The following ZNF544 variants were observed in gnomAD, a reference collection of about 807,000 sequenced individuals.
The protein encoded by ZNF544 is zinc finger protein AF020591.
Under a neutral mutation model 13.5 loss-of-function variants are expected in ZNF544, and 10 were observed. That is an observed-to-expected ratio of 0.74 (90% CI 0.46 to 1.25). The LOEUF is 1.25. Among genes scored for constraint, ZNF544 ranks in the 50% most tolerant of loss-of-function variants. The probability of loss-of-function intolerance (pLI) is 0.00; values close to 1 mark genes in which losing one functional copy is unlikely to be tolerated. For missense variants in ZNF544, 896 were observed against 845.6 expected, an observed-to-expected ratio of 1.06 and a Z score of -0.74; for synonymous variants, 323 against 300.5, an observed-to-expected ratio of 1.07 and a Z score of -0.77.
rs1646805998 is a variant in ZNF544, at chr19:58,260,951, G to C, written c.345G>C (p.Glu115Asp). 1 of 1,614,088 alleles carries C rather than the reference G, an allele frequency of 6.2e-7. No homozygotes were observed. Among genetic ancestry groups the C allele is most frequent in the Non-Finnish European group, 8.5e-7 (1 of 1,180,012 alleles). ...TGGAAGTGTACAGGAGTGGACCGGA[G>C]GAGCCACCCTCTTTGGTATTAGGAA... ...HHVEVYRSGPEEPPSLVLGKV... is the reference protein window; with the variant it reads ...HHVEVYRSGPDEPPSLVLGKV... The change falls in exon 7 of 7, where the codon GAG becomes GAC. Residue 115 changes from glutamate (E) to aspartate (D), a missense_variant. Transcript: ENST00000687789.
At chr19:58,248,961 A>C (rs2045858071) in intron 6 of ZNF544, among the ~76,000 whole-genome samples, 1 of 152,168 alleles carries the variant, frequency 6.6e-6, no homozygotes, top group Admixed American at 6.5e-5. Context: ...GGGGAAGGTG[A>C]CCAACAGAGG....
intron 3 of ZNF544, among the ~76,000 whole-genome samples, chr19:58,234,343 C>G (rs887346048): frequency 2.0e-5 from 3 of 152,190 alleles, no homozygotes; most frequent in African/African-American, 7.2e-5. Context: ...TCTTGTGGGC[C>G]TAGAACTGTT....
chr19:58,246,294 G>C lies in ZNF544; in HGVS notation c.34-7G>C. 6.2e-7 allele frequency: 1 copy of C among 1,614,022 alleles called. No homozygotes were observed. Among genetic ancestry groups the C allele is most frequent in the Admixed American group, 1.7e-5 (1 of 60,010 alleles). ...GTCTCTGAGCAGTAACAAGTGCCCT[G>C]TTTCAGGCATCTGTGTGCTTCGAGG... is the stretch of plus-strand genomic sequence containing the variant. On this transcript the variant is annotated splice_polypyrimidine_tract_variant and splice_region_variant and intron_variant, in intron 4 of 6. Coordinates refer to ENST00000687789, the MANE Select transcript of ZNF544 (RefSeq NM_014480.4).
At chr19:58,260,785 C>A (rs532658132) in intron 6 of ZNF544, 66 bp from the exon 7 acceptor site, 3 of 1,428,096 alleles carry the variant, frequency 2.1e-6, no homozygotes, top group Non-Finnish European at 2.8e-6. Context: ...TTGTCTCCTT[C>A]ATCTCCCCCT....
intron 3 of ZNF544, 52 bp downstream of exon 3, chr19:58,230,514 G>T (rs1044363467): frequency 6.6e-6 from 1 of 152,370 alleles, no homozygotes; most frequent in African/African-American, 2.4e-5. Flanking sequence ...GTTCTCAGCC[G>T]TTGCCCTTGG....
At position 58,261,543 on chromosome 19, in the gene ZNF544, C is replaced by T. The variant is rs770014864; in HGVS notation, c.937C>T (p.Leu313Phe). The change falls in exon 7 of 7, where the codon CTT becomes TTT. Residue 313 changes from leucine to phenylalanine, a missense_variant. Transcript: ENST00000687789. Reference sequence around the variant, plus strand: ...GGAAACCTGTTCTGAGAGTCTGTGCCTTGTACAAACAGAAAGAAGTGGCCC... The same window carrying T: ...GGAAACCTGTTCTGAGAGTCTGTGCTTTGTACAAACAGAAAGAAGTGGCCC... ...CRETCSESLC[L>F]VQTERSGPGE... 5 of 1,614,186 alleles carry T rather than the reference C, an allele frequency of 3.1e-6. No individual in the cohort carries two copies. The South Asian group carries it at 5.5e-5, about 18-fold the overall frequency.
intron 6 of ZNF544, chr19:58,276,475 AT>A: frequency 8.6e-7 from 1 of 1,157,436 alleles, no homozygotes; most frequent in Non-Finnish European, 1.1e-6. Context: ...TTTTTATTTT[AT>A]TTTATTTTTG....
At position 58,275,814 on chromosome 19, in the gene ZNF544, A is replaced by G. The variant is rs1022806626; in HGVS notation, c.245-509A>G. 2.5e-5 allele frequency among the ~76,000 whole-genome samples: 3 copies of G among 122,104 alleles called. No individual in the cohort carries two copies. In the Admixed American group the frequency reaches 2.8e-4, roughly 11 times the overall value. 80.1% of individuals were successfully genotyped at this position (122,104 alleles called of 152,430 possible). ...AAAAAAAAAAAAAAGGAAAGAGGAA[A>G]TAATAGGACATCAAAATCACAGATT... On this transcript the variant is annotated intron_variant, in intron 5 of 6. Coordinates refer to the ZNF544 transcript ENST00000595981.
chr19:58,248,000 G>GC (rs1828165361), intron 6 of ZNF544, among the ~76,000 whole-genome samples: 3 of 150,424 alleles, frequency 2.0e-5, no homozygotes, highest in African/African-American at 7.3e-5. Context: ...TGCAACCTCC[G>GC]CCCCCCAGGT....
intron 3 of ZNF544, among the ~76,000 whole-genome samples, chr19:58,233,702 G>A (rs1448400645): frequency 6.6e-6 from 1 of 152,138 alleles, no homozygotes; most frequent in Admixed American, 6.5e-5. Context: ...TTGGTCCTGA[G>A]TCCTGTTCCC....
downstream of ZNF544, among the ~76,000 whole-genome samples, chr19:58,266,468 T>C (rs1443835662): frequency 8.3e-6 from 1 of 120,638 alleles, no homozygotes; most frequent in Non-Finnish European, 1.6e-5. Context: ...TGAGCCAAAA[T>C]CATGCCACTG....
intron 6 of ZNF544, chr19:58,247,680 G>C (rs1339291302): frequency 6.6e-6 from 1 of 152,008 alleles, no homozygotes; most frequent in African/African-American, 2.4e-5. Context: ...ACAGGTATGA[G>C]CCACTGCACC....
At chr19:58,240,238 G>A (rs906469466) in intron 3 of ZNF544, among the ~76,000 whole-genome samples, 1 of 151,970 alleles carries the variant, frequency 6.6e-6, no homozygotes, top group Non-Finnish European at 1.5e-5. Context: ...AGCCAGTCAA[G>A]GATCAGACCT....
At chr19:58,233,260 C>G (rs2041733112) in intron 3 of ZNF544, among the ~76,000 whole-genome samples, 1 of 152,082 alleles carries the variant, frequency 6.6e-6, no homozygotes, top group South Asian at 2.1e-4. Context: ...AGCTACAATT[C>G]AAGAGGAGAT....
At chr19:58,228,976 G>A (rs1196761276) in intron 1 of ZNF544, 30 bp downstream of exon 1, 1 of 152,402 alleles carries the variant, frequency 6.6e-6, no homozygotes, top group East Asian at 1.9e-4. Flanking sequence ...GGTTGGCTCG[G>A]AGGTTTCACT....
chr19:58,234,957 C>T (rs374442804), intron 3 of ZNF544, among the ~76,000 whole-genome samples: 2 of 152,300 alleles, frequency 1.3e-5, no homozygotes, highest in Admixed American at 6.5e-5. Context: ...GATTAGTGAA[C>T]ATGTGTGTAT....
At chr19:58,272,828 G>A (rs944296037) in intron 5 of ZNF544, among the ~76,000 whole-genome samples, 32 of 151,210 alleles carry the variant, frequency 2.1e-4, no homozygotes, top group Non-Finnish European at 4.4e-5. Flanking sequence ...AGCTGAGATC[G>A]TGCCACTGCA....
intron 4 of ZNF544, 135 bp downstream of exon 4, chr19:58,244,191 C>G (rs1350982957): frequency 1.5e-6 from 1 of 679,706 alleles, no homozygotes; most frequent in African/African-American, 1.9e-5. Flanking sequence ...GTGAAATGCT[C>G]CAGCTCCCTG....
intron 5 of ZNF544, among the ~76,000 whole-genome samples, chr19:58,274,596 GC>G (rs2051073754): frequency 6.6e-6 from 1 of 152,082 alleles, no homozygotes; most frequent in African/African-American, 2.4e-5. Flanking sequence ...TGTCGTTTAA[GC>G]CACCCCATTT....
Sources: gnomAD v4.1 joint callset for allele counts (sites outside exome capture counted in the v4.1 genomes callset) on GRCh38, gnomAD v4.1.1 for gene constraint, MANE v1.5 for transcripts, NCBI Gene and HGNC (gene_info 2026-07-23, HGNC 2026-07-21) for gene names.